SCHIP1: variants seen among roughly 807,000 people sequenced by gnomAD.
The protein encoded by SCHIP1 is schwannomin-interacting protein 1.
Under a neutral mutation model 29.7 loss-of-function variants are expected in SCHIP1, and 8 were observed. That is an observed-to-expected ratio of 0.27 (90% CI 0.16 to 0.49). The LOEUF (loss-of-function observed/expected upper bound fraction) is 0.49, where lower values mean the gene tolerates loss of function less well. Among genes scored for constraint, SCHIP1 ranks in the 20% least tolerant of loss-of-function variants. The probability of loss-of-function intolerance (pLI) is 0.99; values close to 1 mark genes in which losing one functional copy is unlikely to be tolerated. For missense variants in SCHIP1, 193 were observed against 294.6 expected, an observed-to-expected ratio of 0.66 and a Z score of 2.52; for synonymous variants, 76 against 94.9, an observed-to-expected ratio of 0.80 and a Z score of 1.16.
the SCHIP1 span, among the ~76,000 whole-genome samples, chr3:159,617,703 C>T: frequency 6.6e-6 from 1 of 152,146 alleles, no homozygotes; most frequent in South Asian, 2.1e-4. Context: ...CTCCTGAAAA[C>T]CATTTACTAC....
At chr3:159,764,962 C>T in the SCHIP1 span, 1 of 1,489,484 alleles carries the variant, frequency 6.7e-7, no homozygotes, top group Admixed American at 2.5e-5. This position sits in a 1 kb window ranked among gnomAD's most constrained non-coding sequence, Gnocchi z 6.1. Flanking sequence ...GCGCAGTGGC[C>T]GCGGCCCGGC....
the SCHIP1 span, among the ~76,000 whole-genome samples, chr3:159,606,711 C>G: frequency 1.3e-5 from 2 of 152,076 alleles, no homozygotes; most frequent in Non-Finnish European, 2.9e-5. Flanking sequence ...TTGAAACGAC[C>G]AGATAAACAA....
At chr3:159,464,120 T>G in the SCHIP1 span, among the ~76,000 whole-genome samples, 1 of 152,178 alleles carries the variant, frequency 6.6e-6, no homozygotes, top group African/African-American at 2.4e-5. Flanking sequence ...AACATAGGCC[T>G]TTTCCTGTAT....
At chr3:159,757,056 A>G in the SCHIP1 span, among the ~76,000 whole-genome samples, 1 of 151,940 alleles carries the variant, frequency 6.6e-6, no homozygotes, top group Non-Finnish European at 1.5e-5. Flanking sequence ...AACTGTTCTA[A>G]CCTCTGCCTG....
chr3:159,884,183 T>C (rs1033813871), intron 2 of SCHIP1, among the ~76,000 whole-genome samples: 1 of 152,170 alleles, frequency 6.6e-6, no homozygotes, highest in Non-Finnish European at 1.5e-5. Flanking sequence ...ACAGCTTTTT[T>C]CCCACCATCT....
chr3:159,560,945 CT>C, the SCHIP1 span, among the ~76,000 whole-genome samples: 2 of 152,032 alleles, frequency 1.3e-5, no homozygotes, highest in Non-Finnish European at 2.9e-5. Context: ...ATGGGCTTCC[CT>C]TTTTTAATTA....
chr3:159,387,796 T>C, the SCHIP1 span, among the ~76,000 whole-genome samples: 29 of 152,270 alleles, frequency 1.9e-4, no homozygotes, highest in African/African-American at 6.3e-4. Flanking sequence ...GAGCTTAAAC[T>C]GGGCCATGGG....
chr3:159,584,725 T>C, the SCHIP1 span, among the ~76,000 whole-genome samples: 1 of 152,132 alleles, frequency 6.6e-6, no homozygotes, highest in Non-Finnish European at 1.5e-5. Context: ...TTGTTAGAAA[T>C]GTTAGAAACT....
At chr3:159,850,280 A>G (rs1183078115) in intron 1 of SCHIP1, among the ~76,000 whole-genome samples, 1 of 152,176 alleles carries the variant, frequency 6.6e-6, no homozygotes, top group African/African-American at 2.4e-5. Context: ...CTGGCCAGGC[A>G]TGGTGGCTTA....
chr3:159,614,412 A>G, the SCHIP1 span, among the ~76,000 whole-genome samples: 452 of 152,276 alleles, frequency 3.0e-3, 1 homozygote, highest in African/African-American at 9.7e-3. Flanking sequence ...TACAATAGCC[A>G]TTTAGAATTC....
chr3:159,350,734 A>T, the SCHIP1 span, among the ~76,000 whole-genome samples: 8 of 152,156 alleles, frequency 5.3e-5, no homozygotes, highest in Admixed American at 5.2e-4. Context: ...CCATCATCTC[A>T]CATAGTTACT....
chr3:159,306,591 G>T, the SCHIP1 span: 13 of 922,222 alleles, frequency 1.4e-5, no homozygotes, highest in Non-Finnish European at 3.9e-6. Flanking sequence ...TTTCCTTTAT[G>T]AAAAAAATAT....
chr3:159,839,925 C>A, exon 1 of SCHIP1: 1 of 1,404,210 alleles, frequency 7.1e-7, no homozygotes, highest in Non-Finnish European at 9.2e-7. Context: ...TCCCCCAGCC[C>A]GGTCCCAGCT....
chr3:159,725,551 C>T, the SCHIP1 span, among the ~76,000 whole-genome samples: 1 of 152,192 alleles, frequency 6.6e-6, no homozygotes, highest in African/African-American at 2.4e-5. Context: ...AGGCGTGAGC[C>T]ACCACGCCTG....
intron 3 of SCHIP1, chr3:159,887,129 A>T (rs1717043456): frequency 6.5e-6 from 1 of 152,820 alleles, no homozygotes; most frequent in South Asian, 2.1e-4. Flanking sequence ...TCTAAAAATT[A>T]TAAAGAGAAA....
the SCHIP1 span, among the ~76,000 whole-genome samples, chr3:159,288,978 T>C: frequency 7.2e-5 from 11 of 152,350 alleles, no homozygotes; most frequent in South Asian, 2.3e-3. Context: ...AGAGAAATGC[T>C]GGAATTCATT....
At chr3:159,564,381 A>AT in the SCHIP1 span, among the ~76,000 whole-genome samples, 12,108 of 145,538 alleles carry the variant, frequency 0.083, 1,334 homozygotes, top group African/African-American at 0.25. Context: ...CGTTATCTTG[A>AT]TTTTTTTTTT....
the SCHIP1 span, among the ~76,000 whole-genome samples, chr3:159,665,991 C>T: frequency 1.3e-5 from 2 of 152,152 alleles, no homozygotes; most frequent in Admixed American, 6.5e-5. Flanking sequence ...GAAAAGCTCT[C>T]GTTATCGCCT....
At chr3:159,661,167 C>G in the SCHIP1 span, among the ~76,000 whole-genome samples, 2 of 152,172 alleles carry the variant, frequency 1.3e-5, no homozygotes, top group Admixed American at 1.3e-4. Context: ...CATCACAAAG[C>G]TATCTAAGAT....
Sources: allele counts gnomAD v4.1 joint callset (sites outside exome capture counted in the v4.1 genomes callset), GRCh38; gene constraint gnomAD v4.1.1; non-coding constraint Gnocchi (gnomAD v3.1); transcripts MANE v1.5; gene names NCBI Gene and HGNC (gene_info 2026-07-23, HGNC 2026-07-21).